SLC4A5: variants seen among roughly 807,000 people sequenced by gnomAD.
SLC4A5 encodes electrogenic sodium bicarbonate cotransporter 4.
In SLC4A5, 96 loss-of-function variants were observed where a neutral mutation model predicts 120.4. The observed-to-expected ratio is 0.80, with a 90% CI of 0.68 to 0.94. The LOEUF (loss-of-function observed/expected upper bound fraction) is 0.94, where lower values mean the gene tolerates loss of function less well. Among genes scored for constraint, SLC4A5 ranks in the 40% least tolerant of loss-of-function variants. The pLI is 0.00. For missense variants in SLC4A5, 1,259 were observed against 1,459.5 expected, an observed-to-expected ratio of 0.86 and a Z score of 2.24; for synonymous variants, 550 against 571.1, an observed-to-expected ratio of 0.96 and a Z score of 0.53.
At chr2:74,226,974 T>C (rs756505846) in exon 27 of SLC4A5, 4 of 1,613,700 alleles carry the variant, frequency 2.5e-6, no homozygotes, top group South Asian at 1.1e-5. Context: ...GGGAAGATGA[T>C]GGCAGCCACC....
At position 74,264,018 on chromosome 2, in the gene SLC4A5, G is replaced by A. The variant is rs542178481; in HGVS notation, c.715+129C>T. 9 of 1,239,006 alleles carry A rather than the reference G, an allele frequency of 7.3e-6. No individual in the cohort carries two copies. In the East Asian group the frequency reaches 7.7e-5, roughly 11 times the overall value. 76.8% of individuals were successfully genotyped at this position (1,239,006 alleles called of 1,614,324 possible). Reference sequence around the variant, plus strand: ...TCCCCACAGGCCTGCCAGAGAAGGAGGCTGAGGGATCCCCAGAACATCAGA... The same window carrying A: ...TCCCCACAGGCCTGCCAGAGAAGGAAGCTGAGGGATCCCCAGAACATCAGA... On this transcript the variant is annotated intron_variant, in intron 10 of 30. Transcript: ENST00000394019.
intron 7 of SLC4A5, among the ~76,000 whole-genome samples, chr2:74,289,224 T>C (rs1302067229): frequency 3.3e-5 from 5 of 152,226 alleles, no homozygotes; most frequent in Non-Finnish European, 7.3e-5. Context: ...ACTATACATA[T>C]GAGTTAGAAA....
chr2:74,274,241 TAC>T (rs1244207372), intron 8 of SLC4A5, among the ~76,000 whole-genome samples: 1 of 152,140 alleles, frequency 6.6e-6, no homozygotes, highest in Non-Finnish European at 1.5e-5. Context: ...AGGCGGAAGT[TAC>T]AGTGAGCTGA....
chr2:74,297,109 C>T (rs1573074753), intron 7 of SLC4A5, among the ~76,000 whole-genome samples: 1 of 152,150 alleles, frequency 6.6e-6, no homozygotes, highest in South Asian at 2.1e-4. Context: ...ATATTTTTCA[C>T]ACTCCTTCCA....
exon 31 of SLC4A5, chr2:74,218,161 G>T (rs1449158851): frequency 6.6e-6 from 1 of 152,134 alleles, no homozygotes; most frequent in African/African-American, 2.4e-5. Flanking sequence ...GAAAAGATAG[G>T]ACCTTTTCAG....
chr2:74,327,334 GTAT>G (rs943108916), intron 5 of SLC4A5, among the ~76,000 whole-genome samples: 39 of 152,254 alleles, frequency 2.6e-4, no homozygotes, highest in African/African-American at 8.7e-4. Context: ...ACAGCCCAGA[GTAT>G]TTCAGAAAAG....
chr2:74,249,383 A>C (rs1040941990), intron 17 of SLC4A5, among the ~76,000 whole-genome samples: 2 of 152,202 alleles, frequency 1.3e-5, no homozygotes, highest in African/African-American at 2.4e-5. Context: ...GTGTCCCAGG[A>C]AGAGGGAATA....
chr2:74,303,288 G>A (rs1672532549), intron 7 of SLC4A5, among the ~76,000 whole-genome samples: 1 of 152,148 alleles, frequency 6.6e-6, no homozygotes, highest in Non-Finnish European at 1.5e-5. Context: ...GCTCTGCAGG[G>A]TTGGGGGTAG....
intron 7 of SLC4A5, among the ~76,000 whole-genome samples, chr2:74,292,755 G>A (rs1672212982): frequency 6.6e-6 from 1 of 152,074 alleles, no homozygotes; most frequent in Non-Finnish European, 1.5e-5. Context: ...GTAAAGATCT[G>A]GGAGCCATTA....
intron 8 of SLC4A5, among the ~76,000 whole-genome samples, chr2:74,284,726 G>C (rs2104164372): frequency 6.6e-6 from 1 of 152,136 alleles, no homozygotes; most frequent in Admixed American, 6.5e-5. Context: ...TTTGTCACAG[G>C]CACTGGGGAT....
intron 5 of SLC4A5, among the ~76,000 whole-genome samples, chr2:74,316,919 A>G (rs953390781): frequency 6.6e-6 from 1 of 152,248 alleles, no homozygotes; most frequent in African/African-American, 2.4e-5. Context: ...TTTGTGTCCT[A>G]CAAAGACCTT....
At chr2:74,307,750 A>G in intron 6 of SLC4A5, 1 of 684,066 alleles carries the variant, frequency 1.5e-6, no homozygotes, top group Admixed American at 1.9e-5. Context: ...GAGGTCGTTC[A>G]GGCTTTGCAT....
intron 8 of SLC4A5, among the ~76,000 whole-genome samples, chr2:74,266,143 G>A (rs1328511300): frequency 1.3e-5 from 2 of 152,204 alleles, no homozygotes; most frequent in Non-Finnish European, 2.9e-5. Flanking sequence ...TGGGGATGGG[G>A]CATGCCTTAG....
At chr2:74,342,248 T>A (rs1229209025) in intron 2 of SLC4A5, among the ~76,000 whole-genome samples, 1 of 152,246 alleles carries the variant, frequency 6.6e-6, no homozygotes, top group Admixed American at 6.5e-5. Context: ...TTTGTTGGCA[T>A]GGCCACCATC....
intron 6 of SLC4A5, among the ~76,000 whole-genome samples, chr2:74,305,623 T>C (rs1411082688): frequency 3.9e-5 from 6 of 152,070 alleles, no homozygotes; most frequent in African/African-American, 1.2e-4. Context: ...GACATACATC[T>C]ACAATTATAT....
Position 74,282,605 on chromosome 2 carries a change from G to A in SLC4A5, c.401+3168C>T, listed in dbSNP as rs190686020. Among the ~76,000 whole-genome samples the A allele has an allele frequency of 2.4e-3, 371 of 152,308 alleles. 2 individuals carry two copies. Among genetic ancestry groups the A allele is most frequent in the African/African-American group, 8.7e-3 (362 of 41,562 alleles). ...AAACATCCTCATCTACAGTTTCTTG[G>A]TTCCTTCACTGGGTCTGGAGTGCAG... is the stretch of plus-strand genomic sequence containing the variant. On this transcript the variant is annotated intron_variant, in intron 8 of 30. Transcript: ENST00000394019.
At chr2:74,293,160 T>C (rs1672226225) in intron 7 of SLC4A5, among the ~76,000 whole-genome samples, 1 of 152,166 alleles carries the variant, frequency 6.6e-6, no homozygotes, top group South Asian at 2.1e-4. Context: ...AAAACCATTC[T>C]TGCCAACTGT....
chr2:74,290,619 A>T, intron 7 of SLC4A5: 1 of 910,764 alleles, frequency 1.1e-6, no homozygotes, highest in Non-Finnish European at 1.3e-6. Flanking sequence ...AGAGACAGAG[A>T]AGTGAGAGAG....
intron 5 of SLC4A5, among the ~76,000 whole-genome samples, chr2:74,317,823 G>T (rs1014795222): frequency 6.6e-6 from 1 of 152,198 alleles, no homozygotes; most frequent in Non-Finnish European, 1.5e-5. Context: ...AATGGCAAGG[G>T]CTGCATCCAA....
Sources: allele counts gnomAD v4.1 joint callset (sites outside exome capture counted in the v4.1 genomes callset), GRCh38; gene constraint gnomAD v4.1.1; transcripts MANE v1.5; gene names NCBI Gene and HGNC (gene_info 2026-07-23, HGNC 2026-07-21).